Variants in CHCHD6 observed in about 807,000 individuals in gnomAD.
The protein encoded by CHCHD6 is coiled-coil-helix-coiled-coil-helix domain containing 6, also known as MICOS complex subunit MIC25.
CHCHD6 carries 28 observed loss-of-function variants against 32.3 expected under a neutral mutation model. The observed-to-expected ratio is 0.87, with a 90% confidence interval of 0.64 to 1.19. The LOEUF is 1.19. CHCHD6 is among the 50% of genes most tolerant of loss of function. CHCHD6 has a pLI of 0.00. For synonymous variants in CHCHD6, 122 were observed against 117.5 expected (o/e 1.04, Z -0.25); for missense variants, 333 against 307.0 (o/e 1.08, Z -0.63).
At chr3:126,912,628 G>T (rs2078107608) in intron 5 of CHCHD6, among the ~76,000 whole-genome samples, 1 of 152,332 alleles carries the variant, frequency 6.6e-6, no homozygotes. Context: ...GCAGTGGAGG[G>T]TGAAAGGCCC....
chr3:126,769,478 G>A (rs1381092723), intron 4 of CHCHD6, among the ~76,000 whole-genome samples: 1 of 152,070 alleles, frequency 6.6e-6, no homozygotes, highest in Non-Finnish European at 1.5e-5. Flanking sequence ...TTTTTGCTTA[G>A]GATTGCCTGG....
At chr3:126,755,828 CTGTG>C (rs1173291778) in intron 4 of CHCHD6, among the ~76,000 whole-genome samples, 4 of 145,486 alleles carry the variant, frequency 2.7e-5, no homozygotes, top group African/African-American at 1.1e-4. Flanking sequence ...GTGTGTACAT[CTGTG>C]TGTGCATGTG....
intron 5 of CHCHD6, among the ~76,000 whole-genome samples, chr3:126,886,198 A>T (rs1017991310): frequency 1.3e-5 from 2 of 152,226 alleles, no homozygotes; most frequent in African/African-American, 2.4e-5. Context: ...CTTTAATAAC[A>T]AACTTTTATA....
intron 4 of CHCHD6, among the ~76,000 whole-genome samples, chr3:126,773,919 C>G (rs1055608465): frequency 2.6e-5 from 4 of 152,062 alleles, no homozygotes; most frequent in Admixed American, 1.3e-4. Flanking sequence ...GCATATTTTT[C>G]TATGTTTCTG....
intron 4 of CHCHD6, among the ~76,000 whole-genome samples, chr3:126,828,274 C>T (rs1043653885): frequency 6.6e-6 from 1 of 152,250 alleles, no homozygotes; most frequent in African/African-American, 2.4e-5. Context: ...CACATCTTCT[C>T]TTGGATGCTC....
intron 4 of CHCHD6, among the ~76,000 whole-genome samples, chr3:126,792,422 G>A (rs74846828): frequency 9.5e-4 from 144 of 152,108 alleles, no homozygotes; most frequent in African/African-American, 3.4e-3. Context: ...GTTTCTCCAT[G>A]CAGCCCACAG....
chr3:126,850,441 C>T (rs533223055), intron 4 of CHCHD6, among the ~76,000 whole-genome samples: 1 of 152,322 alleles, frequency 6.6e-6, no homozygotes, highest in East Asian at 1.9e-4. Flanking sequence ...CATCTTCACC[C>T]AACACTTTAG....
At chr3:126,933,067 ACCC>A (rs1236317021) in intron 6 of CHCHD6, among the ~76,000 whole-genome samples, 3 of 151,872 alleles carry the variant, frequency 2.0e-5, no homozygotes, top group African/African-American at 7.3e-5. Context: ...TACTGGACTG[ACCC>A]ACGGTTCTGA....
intron 5 of CHCHD6, among the ~76,000 whole-genome samples, chr3:126,891,227 G>C (rs2107578129): frequency 6.6e-6 from 1 of 152,328 alleles, no homozygotes; most frequent in Non-Finnish European, 1.5e-5. Flanking sequence ...GTGTTAGCTA[G>C]GGCTGTGGAG....
chr3:126,804,369 G>T (rs1939245999), intron 4 of CHCHD6, among the ~76,000 whole-genome samples: 2 of 152,146 alleles, frequency 1.3e-5, no homozygotes, highest in Middle Eastern at 3.4e-3. Flanking sequence ...AATAAAAAAT[G>T]ATAAAGGGGA....
intron 6 of CHCHD6, among the ~76,000 whole-genome samples, chr3:126,922,972 C>T (rs1047988697): frequency 2.0e-5 from 3 of 152,164 alleles, no homozygotes; most frequent in South Asian, 2.1e-4. Context: ...TGGGGTGAGC[C>T]GCCATTACTG....
chr3:126,920,299 T>C (rs938867688), intron 6 of CHCHD6, among the ~76,000 whole-genome samples: 2 of 152,068 alleles, frequency 1.3e-5, no homozygotes, highest in African/African-American at 4.8e-5. Flanking sequence ...ACAGTTATTT[T>C]AAAATCATCT....
intron 1 of CHCHD6, among the ~76,000 whole-genome samples, chr3:126,717,302 C>G (rs1171163403): frequency 1.3e-5 from 2 of 152,192 alleles, no homozygotes; most frequent in African/African-American, 2.4e-5. Context: ...TCACAACTCT[C>G]ATCCTCATGA....
At chr3:126,810,483 CTATT>C (rs761950677) in intron 4 of CHCHD6, among the ~76,000 whole-genome samples, 15 of 152,114 alleles carry the variant, frequency 9.9e-5, no homozygotes, top group Non-Finnish European at 1.3e-4. Context: ...TGGTGATAGA[CTATT>C]TATGTGCTAT....
intron 5 of CHCHD6, among the ~76,000 whole-genome samples, chr3:126,878,405 G>A (rs1211255255): frequency 1.3e-5 from 2 of 152,324 alleles, no homozygotes; most frequent in East Asian, 1.9e-4. Context: ...AAAGAAGGAA[G>A]TGTTCACAGA....
chr3:126,916,304 G>T (rs983916362), intron 6 of CHCHD6, among the ~76,000 whole-genome samples: 1 of 151,824 alleles, frequency 6.6e-6, no homozygotes, highest in Non-Finnish European at 1.5e-5. Flanking sequence ...AGGAGGCTGA[G>T]GTGGAAGAAT....
rs73207618 is a variant in CHCHD6 at position 126,902,925 on chromosome 3, G to C, written c.496-11755G>C. Among the ~76,000 whole-genome samples, 1,106 of 152,228 alleles carry C rather than the reference G, an allele frequency of 7.3e-3. 7 individuals are homozygous for C. The highest frequency in any genetic ancestry group is 0.012 in the Non-Finnish European group (813 of 68,010). On this transcript the variant is annotated intron_variant, in intron 5 of 7. Coordinates refer to ENST00000290913, the MANE Select transcript of CHCHD6 (RefSeq NM_032343.3). ...TGCTGGCGTGGAAGCCATCCTTTGA[G>C]TAGCAAGGCTATATAGTGCCATACT...
Position 126,957,511 on chromosome 3 carries a change from T to A in CHCHD6, c.662T>A (p.Leu221Gln). Residue 221 changes from leucine (L) to glutamine (Q), a missense_variant, in exon 7 of 8, where the codon CTG becomes CAG. Physicochemically the swap from Leu to Gln is moderately radical, Grantham distance 113. Coordinates refer to ENST00000290913, the MANE Select transcript of CHCHD6 (RefSeq NM_032343.3). ...CATGAGGTGCTGCTGTGCTCGGACCTGGTCAAGGCATACCAGCGCTGCGTG... is the reference window on the plus strand; with the variant it reads ...CATGAGGTGCTGCTGTGCTCGGACCAGGTCAAGGCATACCAGCGCTGCGTG... ...RPHEVLLCSD[L>Q]VKAYQRCVSA... The A allele has an allele frequency of 6.3e-7, 1 of 1,591,558 alleles. No homozygotes were observed. Among genetic ancestry groups the A allele is most frequent in the Non-Finnish European group, 8.6e-7 (1 of 1,169,306 alleles).
chr3:126,845,016 G>A (rs1272054893), intron 4 of CHCHD6, among the ~76,000 whole-genome samples: 2 of 152,212 alleles, frequency 1.3e-5, no homozygotes, highest in African/African-American at 2.4e-5. Context: ...TAGCATGATT[G>A]TAGTCAAATA....
Sources: allele counts gnomAD v4.1 joint callset (sites outside exome capture counted in the v4.1 genomes callset), GRCh38; gene constraint gnomAD v4.1.1; transcripts MANE v1.5; gene names NCBI Gene and HGNC (gene_info 2026-07-23, HGNC 2026-07-21).